The following ARHGAP42 variants were observed in gnomAD, a reference collection of about 807,000 sequenced individuals.
ARHGAP42 encodes the protein rho GTPase-activating protein 42.
A neutral mutation model predicts 125.0 loss-of-function variants in ARHGAP42; 63 were observed. That is an observed-to-expected ratio of 0.50 (90% CI 0.41 to 0.62). The LOEUF (loss-of-function observed/expected upper bound fraction) is 0.62. Ranked by LOEUF, ARHGAP42 falls within the 20% of genes least tolerant of loss-of-function variation. The pLI, the probability that ARHGAP42 is intolerant of heterozygous loss-of-function variation, is 0.00. For missense variants in ARHGAP42, 766 were observed against 1,024.2 expected, an observed-to-expected ratio of 0.75 and a Z score of 3.44; for synonymous variants, 339 against 351.0, an observed-to-expected ratio of 0.97 and a Z score of 0.38.
intron 1 of ARHGAP42, among the ~76,000 whole-genome samples, chr11:100,691,395 T>G (rs1846861635): frequency 6.6e-6 from 1 of 152,186 alleles, no homozygotes; most frequent in Non-Finnish European, 1.5e-5. Context: ...CTTTATACTT[T>G]TGAATTCAAA....
intron 8 of ARHGAP42, among the ~76,000 whole-genome samples, chr11:100,938,731 A>G (rs1436767726): frequency 6.6e-6 from 1 of 152,120 alleles, no homozygotes; most frequent in Admixed American, 6.6e-5. Flanking sequence ...AAAGGAATAT[A>G]TTTATATGCT....
At chr11:100,934,955 C>A (rs1393702886) in intron 7 of ARHGAP42, among the ~76,000 whole-genome samples, 1 of 151,702 alleles carries the variant, frequency 6.6e-6, no homozygotes, top group African/African-American at 2.4e-5. Context: ...CTATTAAAAG[C>A]GAAAATTATA....
rs112927258 is a variant in ARHGAP42, at chr11:100,933,141, T to G, written c.598-15T>G. 3 of 1,514,124 alleles carry G rather than the reference T, an allele frequency of 2.0e-6. No individual in the cohort carries two copies. Among genetic ancestry groups the G allele is most frequent in the South Asian group, 2.4e-5 (2 of 82,072 alleles). The allele number at this position is 1,514,124 out of a possible 1,614,324, so 93.8% of individuals were successfully genotyped here. A position where few individuals can be genotyped will look rare whatever the true frequency, so the allele number is the denominator to read the frequency against. ...AACACATTTTCATGGTTTCTTTATC[T>G]CTTTATCTTTGCAGCTTTTGTCATT... On this transcript the variant is annotated splice_polypyrimidine_tract_variant and intron_variant, in intron 6 of 23. Transcript: ENST00000298815.
At chr11:100,925,684 TA>T (rs1346953048) in intron 6 of ARHGAP42, among the ~76,000 whole-genome samples, 1 of 152,144 alleles carries the variant, frequency 6.6e-6, no homozygotes, top group East Asian at 1.9e-4. Flanking sequence ...GTTGCAGTGA[TA>T]CAAAATCATG....
intron 4 of ARHGAP42, among the ~76,000 whole-genome samples, chr11:100,865,214 A>T (rs1415944422): frequency 3.3e-5 from 5 of 152,212 alleles, no homozygotes; most frequent in African/African-American, 1.2e-4. Context: ...ACATTCGTTT[A>T]TTATTTTTAA....
chr11:100,834,627 T>C (rs1321782517), intron 3 of ARHGAP42, among the ~76,000 whole-genome samples: 3 of 152,040 alleles, frequency 2.0e-5, no homozygotes, highest in Non-Finnish European at 4.4e-5. Context: ...AAGTTTGAGC[T>C]CATAGCATGA....
chr11:100,699,469 A>G (rs1861352644), intron 1 of ARHGAP42, among the ~76,000 whole-genome samples: 1 of 135,802 alleles, frequency 7.4e-6, no homozygotes, highest in African/African-American at 2.8e-5. Context: ...TAAAACAACA[A>G]ATTTATTCAT....
At chr11:100,974,769 C>T (rs940408507) in intron 19 of ARHGAP42, among the ~76,000 whole-genome samples, 166 bp downstream of exon 19, 6 of 152,018 alleles carry the variant, frequency 3.9e-5, no homozygotes, top group Non-Finnish European at 7.4e-5. Flanking sequence ...TGTACAGTTG[C>T]TTGGGTAAGC....
chr11:100,705,156 C>T (rs936212259), intron 1 of ARHGAP42, among the ~76,000 whole-genome samples: 4 of 151,994 alleles, frequency 2.6e-5, no homozygotes, highest in African/African-American at 9.7e-5. Context: ...ACAAACTAAT[C>T]CCAATTTAAC....
Position 100,961,698 on chromosome 11 carries a change from C to T in ARHGAP42, c.1315C>T (p.Pro439Ser), listed in dbSNP as rs1857960374. 1 of 1,551,402 alleles carries T rather than the reference C, an allele frequency of 6.4e-7. No individual in the cohort carries two copies. The highest frequency in any genetic ancestry group is 8.7e-7 in the Non-Finnish European group (1 of 1,146,708). ...MNTTFSPKSP[P>S]DIDIDIELWD... ...ATTCTTTCCAGCTCCTAAATCCCCT[C>T]CTGATATTGATATTGATATTGAACT... The change falls in exon 15 of 24, where the codon CCT becomes TCT. Residue 439 changes from proline (P) to serine (S), a missense_variant. This residue lies in a region of ARHGAP42 where 455 missense variants were observed against 636.5 expected (regional missense o/e 0.71). Transcript: ENST00000298815.
At chr11:100,976,539 C>T (rs1031458189) in intron 20 of ARHGAP42, 102 bp downstream of exon 20, 2 of 1,399,778 alleles carry the variant, frequency 1.4e-6, no homozygotes, top group African/African-American at 1.5e-5. Context: ...GGTGGAGAAA[C>T]TAATGATGCT....
chr11:100,943,013 C>A (rs12422140), intron 9 of ARHGAP42, among the ~76,000 whole-genome samples: 7,529 of 152,046 alleles, frequency 0.05, 325 homozygotes, highest in East Asian at 0.25. Flanking sequence ...TTCCCCTTAA[C>A]ATAGACTGGC....
chr11:100,875,107 C>CTCTGTGTGTGTGTGTGTGTG (rs1384655603), intron 4 of ARHGAP42, among the ~76,000 whole-genome samples: 1 of 82,280 alleles, frequency 1.2e-5, no homozygotes, highest in Admixed American at 1.3e-4. Context: ...CTCTCTCTCT[C>CTCTGTGTGTGTGTGTGTGTG]TGTGTGTGTG....
rs543207611 is a variant in ARHGAP42, at chr11:100,925,450, T to A, written c.597+3846T>A. On this transcript the variant is annotated intron_variant, in intron 6 of 23. Transcript: ENST00000298815. ...GTTTTTTTAAAGTATTTAAAATATG[T>A]TTACTAGCCGGGCACAGTAGCTCAC... Among the ~76,000 whole-genome samples, 64 of 152,210 alleles carry A rather than the reference T, an allele frequency of 4.2e-4. 3 individuals carry two copies. In the South Asian group the frequency reaches 0.013, roughly 31 times the overall value.
chr11:100,779,551 C>CGTATACATACGTATATATACGT (rs747888545), intron 2 of ARHGAP42, among the ~76,000 whole-genome samples: 1 of 126,932 alleles, frequency 7.9e-6, no homozygotes, highest in Non-Finnish European at 1.6e-5. Context: ...TATATATATA[C>CGTATACATACGTATATATACGT]ATATACATAC....
At chr11:100,729,039 G>T (rs1591132704) in intron 1 of ARHGAP42, among the ~76,000 whole-genome samples, 1 of 151,610 alleles carries the variant, frequency 6.6e-6, no homozygotes, top group African/African-American at 2.4e-5. Flanking sequence ...AAAGTGCTGT[G>T]ATTACAGGTG....
intron 4 of ARHGAP42, among the ~76,000 whole-genome samples, chr11:100,894,820 AAAGGGCAGTAGT>A (rs1287037305): frequency 3.3e-5 from 5 of 152,186 alleles, no homozygotes; most frequent in Admixed American, 6.5e-5. Flanking sequence ...ATAGCTGTTG[AAAGGGCAGTAGT>A]AGATATTTTC....
intron 6 of ARHGAP42, among the ~76,000 whole-genome samples, chr11:100,932,485 T>C (rs1867613019): frequency 6.6e-6 from 1 of 152,158 alleles, no homozygotes; most frequent in Non-Finnish European, 1.5e-5. Flanking sequence ...TCTTAATTTA[T>C]GGATAAAAAC....
At chr11:100,831,323 T>C (rs1736500893) in intron 3 of ARHGAP42, among the ~76,000 whole-genome samples, 1 of 152,110 alleles carries the variant, frequency 6.6e-6, no homozygotes, top group South Asian at 2.1e-4. Flanking sequence ...TTATACTGGG[T>C]ATTTCTGAGT....
Sources: gnomAD v4.1 joint callset for allele counts (sites outside exome capture counted in the v4.1 genomes callset) on GRCh38, gnomAD v4.1.1 for gene constraint, gnomAD v4.1.1 regional missense constraint, MANE v1.5 for transcripts, NCBI Gene and HGNC (gene_info 2026-07-23, HGNC 2026-07-21) for gene names.